CORO2B: variants seen among roughly 807,000 people sequenced by gnomAD.
The protein encoded by CORO2B is coronin 2B, also known as coronin-2B.
Under a neutral mutation model 58.8 loss-of-function variants are expected in CORO2B, and 26 were observed. The observed-to-expected ratio is 0.44, with a 90% CI of 0.32 to 0.61. CORO2B has a LOEUF of 0.61. Among genes scored for constraint, CORO2B ranks in the 20% least tolerant of loss-of-function variants. The probability of loss-of-function intolerance (pLI) is 0.04; values close to 1 mark genes in which losing one functional copy is unlikely to be tolerated. For synonymous variants in CORO2B, 242 were observed against 253.8 expected (o/e 0.95, Z 0.44); for missense variants, 460 against 645.1 (o/e 0.71, Z 3.11).
intron 2 of CORO2B, among the ~76,000 whole-genome samples, chr15:68,690,512 A>T (rs1892330727): frequency 6.6e-6 from 1 of 151,892 alleles, no homozygotes; most frequent in Non-Finnish European, 1.5e-5. Context: ...ACACATACAC[A>T]CTTTCCTCGC....
At chr15:68,521,048 C>CA in the CORO2B span, among the ~76,000 whole-genome samples, 14,071 of 141,596 alleles carry the variant, frequency 0.099, 719 homozygotes, top group Middle Eastern at 0.19. Context: ...GGCTCCATCT[C>CA]AAAAAAAAAA....
At chr15:68,560,974 A>G in the CORO2B span, among the ~76,000 whole-genome samples, 1 of 152,070 alleles carries the variant, frequency 6.6e-6, no homozygotes, top group Non-Finnish European at 1.5e-5. Flanking sequence ...GCCTCCAGGG[A>G]TAGGATCCAA....
chr15:68,699,963 G>A (rs962696766), intron 3 of CORO2B, among the ~76,000 whole-genome samples: 3 of 152,192 alleles, frequency 2.0e-5, no homozygotes, highest in Non-Finnish European at 2.9e-5. Context: ...CTGGGTGCTG[G>A]GGGAAAGCAC....
intron 2 of CORO2B, among the ~76,000 whole-genome samples, chr15:68,683,774 A>C (rs966117430): frequency 6.6e-6 from 1 of 152,138 alleles, no homozygotes. Flanking sequence ...CTTGGTCAAG[A>C]CCACTGTCAT....
chr15:68,638,968 C>G (rs1204231775), intron 1 of CORO2B, among the ~76,000 whole-genome samples: 1 of 152,182 alleles, frequency 6.6e-6, no homozygotes, highest in Non-Finnish European at 1.5e-5. Flanking sequence ...GTACTGGGTT[C>G]AGAGGTGTTG....
chr15:68,667,735 C>T (rs760531821), intron 2 of CORO2B, among the ~76,000 whole-genome samples: 9 of 151,980 alleles, frequency 5.9e-5, no homozygotes, highest in Non-Finnish European at 1.2e-4. Context: ...TGAAGATGGG[C>T]GGGGGGATGT....
chr15:68,519,776 G>A, the CORO2B span, among the ~76,000 whole-genome samples: 36 of 152,234 alleles, frequency 2.4e-4, no homozygotes, highest in Admixed American at 3.9e-4. Flanking sequence ...GTGGCTTTCA[G>A]CGTTTCTTCT....
At chr15:68,701,068 C>CCCGAGCT (rs768715876) in intron 3 of CORO2B, among the ~76,000 whole-genome samples, 6 of 152,156 alleles carry the variant, frequency 3.9e-5, no homozygotes, top group Non-Finnish European at 7.4e-5. Flanking sequence ...ACCCCCACCT[C>CCCGAGCT]CCGAGCTCCG....
At chr15:68,527,705 G>A in the CORO2B span, among the ~76,000 whole-genome samples, 2 of 151,936 alleles carry the variant, frequency 1.3e-5, no homozygotes, top group South Asian at 2.1e-4. Flanking sequence ...TAAAAGCCTC[G>A]GAAATTTTAT....
chr15:68,688,294 C>G (rs1596015265), intron 2 of CORO2B, among the ~76,000 whole-genome samples: 1 of 152,100 alleles, frequency 6.6e-6, no homozygotes, highest in Non-Finnish European at 1.5e-5. Flanking sequence ...TATTAGCATT[C>G]TGATGTATTT....
In CORO2B at chr15:68,710,619, G is replaced by A; in HGVS notation, c.334-113G>A. ...CTTTGCCCATCGCCTCAAGCCAGGA[G>A]GTGGCTCATCAGGCAGATCTCAGAA... On this transcript the variant is annotated intron_variant, in intron 3 of 11. Transcript: ENST00000261861. The surrounding 1 kb of genome is among the most constrained non-coding windows in gnomAD (Gnocchi z 4.1). 7.9e-7 allele frequency: 1 copy of A among 1,269,288 alleles called. No homozygotes were observed. The allele number at this position is 1,269,288 out of a possible 1,614,324, so 78.6% of individuals were successfully genotyped here. A position where few individuals can be genotyped will look rare whatever the true frequency, so the allele number is the denominator to read the frequency against.
chr15:68,541,671 T>G, the CORO2B span, among the ~76,000 whole-genome samples: 4,880 of 151,924 alleles, frequency 0.032, 281 homozygotes, highest in African/African-American at 0.11. Flanking sequence ...GAATTATGAG[T>G]TTTTTCAGTC....
intron 2 of CORO2B, among the ~76,000 whole-genome samples, chr15:68,671,506 G>A (rs979493635): frequency 6.6e-6 from 1 of 152,192 alleles, no homozygotes; most frequent in Admixed American, 6.5e-5. Context: ...ATGTTCTGTT[G>A]TTGCATAACA....
chr15:68,578,867 C>A (rs1000532952), upstream of CORO2B: 25 of 307,436 alleles, frequency 8.1e-5, no homozygotes, highest in Non-Finnish European at 1.0e-4. This position sits in a 1 kb window ranked among gnomAD's most constrained non-coding sequence, Gnocchi z 4.2. Flanking sequence ...GCGGGAGGCT[C>A]GGGGCACGGC....
chr15:68,703,688 C>G (rs1230050155), intron 3 of CORO2B, among the ~76,000 whole-genome samples: 1 of 152,052 alleles, frequency 6.6e-6, no homozygotes, highest in Non-Finnish European at 1.5e-5. Flanking sequence ...AATTCTGCCC[C>G]TTAGGAACAG....
At chr15:68,688,414 C>T (rs1903058358) in intron 2 of CORO2B, among the ~76,000 whole-genome samples, 1 of 152,060 alleles carries the variant, frequency 6.6e-6, no homozygotes, top group South Asian at 2.1e-4. Context: ...TTCTTGATCA[C>T]CAACATGATG....
At chr15:68,631,092 G>A (rs566180880) in intron 1 of CORO2B, among the ~76,000 whole-genome samples, 4 of 152,288 alleles carry the variant, frequency 2.6e-5, no homozygotes, top group Admixed American at 6.5e-5. Context: ...GGGAATGGCA[G>A]GTACGAGTCC....
chr15:68,545,721 A>G, the CORO2B span, among the ~76,000 whole-genome samples: 1 of 152,098 alleles, frequency 6.6e-6, no homozygotes, highest in East Asian at 1.9e-4. Context: ...CTCCTTGGAA[A>G]GAAAACTATC....
intron 2 of CORO2B, among the ~76,000 whole-genome samples, chr15:68,651,417 G>A (rs2140278335): frequency 6.6e-6 from 1 of 152,324 alleles, no homozygotes; most frequent in South Asian, 2.1e-4. Flanking sequence ...CGATTTTCTA[G>A]GAAGGAAAAG....
Sources: gnomAD v4.1 joint callset for allele counts (sites outside exome capture counted in the v4.1 genomes callset) on GRCh38, gnomAD v4.1.1 for gene constraint, Gnocchi (gnomAD v3.1) non-coding constraint, MANE v1.5 for transcripts, NCBI Gene and HGNC (gene_info 2026-07-23, HGNC 2026-07-21) for gene names.